The following CAST variants were observed in gnomAD, a reference collection of about 807,000 sequenced individuals.
The protein encoded by CAST is calpastatin, also known as MIR583 host.
In CAST, 76 loss-of-function variants were observed where a neutral mutation model predicts 119.6. That is an observed-to-expected ratio of 0.64 (90% CI 0.53 to 0.77). The LOEUF is 0.77. Among genes scored for constraint, CAST ranks in the 30% least tolerant of loss-of-function variants. The pLI, the probability that CAST is intolerant of heterozygous loss-of-function variation, is 0.00. For synonymous variants in CAST, 319 were observed against 331.6 expected, an observed-to-expected ratio of 0.96 and a Z score of 0.41; for missense variants, 953 against 946.5, an observed-to-expected ratio of 1.01 and a Z score of -0.09.
Position 96,754,168 on chromosome 5 carries a change from G to T in CAST, c.1626+7G>T. The T allele has an allele frequency of 6.6e-7, 1 of 1,509,776 alleles. No homozygotes were observed. The highest frequency in any genetic ancestry group is 9.2e-7 in the Non-Finnish European group (1 of 1,084,652). The allele number at this position is 1,509,776 out of a possible 1,614,324, so 93.5% of individuals were successfully genotyped here. ...TGTGATGGATAAAGTCAAGGTAATG[G>T]CAACTGAGATGCTTCTGGAAAATAA... On this transcript the variant is annotated splice_region_variant and intron_variant, in intron 21 of 31. Transcript: ENST00000675179.
chr5:96,086,555 G>A, the CAST span, among the ~76,000 whole-genome samples: 1 of 152,122 alleles, frequency 6.6e-6, no homozygotes, highest in African/African-American at 2.4e-5. Flanking sequence ...GGAAATGAAT[G>A]CATTTTTAAA....
chr5:96,755,368 A>G (rs1766068352), intron 22 of CAST, among the ~76,000 whole-genome samples: 1 of 152,132 alleles, frequency 6.6e-6, no homozygotes, highest in Non-Finnish European at 1.5e-5. Flanking sequence ...AAAAAAATAA[A>G]ATAAGGAACA....
upstream of CAST, among the ~76,000 whole-genome samples, chr5:96,658,740 C>A (rs1748199017): frequency 1.3e-5 from 2 of 152,134 alleles, no homozygotes; most frequent in African/African-American, 4.8e-5. Flanking sequence ...TCAGAATAAC[C>A]CTAGGATGTA....
At chr5:96,441,440 G>A in the CAST span, among the ~76,000 whole-genome samples, 1 of 151,950 alleles carries the variant, frequency 6.6e-6, no homozygotes, top group Non-Finnish European at 1.5e-5. Flanking sequence ...TAAAATGCAG[G>A]CAAGTGAAGT....
chr5:96,309,027 A>G, the CAST span: 2 of 152,302 alleles, frequency 1.3e-5, no homozygotes, highest in Non-Finnish European at 2.9e-5. Context: ...GTCAGGCAGG[A>G]ATATTTAAGT....
chr5:95,968,913 G>A, the CAST span, among the ~76,000 whole-genome samples: 1 of 152,264 alleles, frequency 6.6e-6, no homozygotes, highest in East Asian at 1.9e-4. Context: ...GACCTACTAG[G>A]TGAGAAGCAC....
At chr5:96,548,636 C>T (rs149571954) in intron 1 of CAST, among the ~76,000 whole-genome samples, 11 of 151,982 alleles carry the variant, frequency 7.2e-5, no homozygotes, top group Non-Finnish European at 1.5e-4. Context: ...AATCAAAACC[C>T]CCAATGACAA....
chr5:96,044,255 T>C, the CAST span, among the ~76,000 whole-genome samples: 2 of 152,286 alleles, frequency 1.3e-5, no homozygotes, highest in Admixed American at 6.5e-5. Context: ...CCCAAGGTGA[T>C]GGTATTAGAA....
chr5:96,726,901 G>A (rs371799380), intron 5 of CAST, 42 bp downstream of exon 5: 34 of 1,371,576 alleles, frequency 2.5e-5, no homozygotes, highest in Middle Eastern at 1.8e-4. Context: ...GTTTACTAAC[G>A]GTTACATCAC....
chr5:96,269,824 AAAG>A, the CAST span, among the ~76,000 whole-genome samples: 15 of 152,214 alleles, frequency 9.9e-5, no homozygotes, highest in Non-Finnish European at 1.6e-4. Flanking sequence ...CAAAACATTT[AAAG>A]AAGAACTAAT....
At chr5:96,624,770 A>T (rs1008215410) in intron 1 of CAST, among the ~76,000 whole-genome samples, 1 of 152,206 alleles carries the variant, frequency 6.6e-6, no homozygotes, top group Non-Finnish European at 1.5e-5. Flanking sequence ...TAAAGCCAAC[A>T]GGTTTCCCAT....
chr5:96,762,999 T>C, intron 25 of CAST: 1 of 637,132 alleles, frequency 1.6e-6, no homozygotes, highest in Non-Finnish European at 2.9e-6. Flanking sequence ...AATACCAAAT[T>C]ATACATTACC....
the CAST span, among the ~76,000 whole-genome samples, chr5:96,157,083 T>A: frequency 6.6e-6 from 1 of 152,358 alleles, no homozygotes; most frequent in East Asian, 1.9e-4. Flanking sequence ...ATTTACACTG[T>A]CTTAGGTTTA....
Position 96,741,349 on chromosome 5 carries a change from T to A in CAST, c.1002T>A (p.Thr334=), listed in dbSNP as rs1328559804. 2 of 1,606,552 alleles carry A rather than the reference T, an allele frequency of 1.2e-6. No individual in the cohort carries two copies. The highest frequency in any genetic ancestry group is 1.3e-5 in the African/African-American group (1 of 74,882). Residue 334 remains threonine (T), a synonymous_variant, in exon 14 of 32, where the codon ACT becomes ACA. Coordinates refer to ENST00000675179, the MANE Select transcript of CAST (RefSeq NM_001750.7). The part of the protein sequence containing the change: ...CGSPTAAGKK[T]EKEESTEVLK... ...CGCCTACAGCTGCTGGAAAGAAAAC[T>A]GAAAAAGAGGTATTGTTTTTAGTGT... is the stretch of plus-strand genomic sequence containing the variant.
intron 1 of CAST, among the ~76,000 whole-genome samples, chr5:96,538,424 C>A (rs934438860): frequency 6.6e-6 from 1 of 152,098 alleles, no homozygotes; most frequent in Admixed American, 6.5e-5. Context: ...GTTTGGAAAG[C>A]CTTTTGGAAA....
At chr5:96,293,530 C>T in the CAST span, among the ~76,000 whole-genome samples, 1 of 151,918 alleles carries the variant, frequency 6.6e-6, no homozygotes, top group Non-Finnish European at 1.5e-5. Context: ...CCTGCCTCAG[C>T]CTTCCAAAGT....
chr5:96,309,795 C>G, the CAST span, among the ~76,000 whole-genome samples: 1 of 152,262 alleles, frequency 6.6e-6, no homozygotes, highest in Admixed American at 6.5e-5. Context: ...ACTGTCCAAC[C>G]AGTCCCATTG....
At chr5:96,474,618 T>C in the CAST span, among the ~76,000 whole-genome samples, 1 of 152,172 alleles carries the variant, frequency 6.6e-6, no homozygotes, top group Admixed American at 6.5e-5. Context: ...AGGTTTATTC[T>C]GAGTGCAGTG....
chr5:96,744,405 G>A (rs571448529), intron 16 of CAST, among the ~76,000 whole-genome samples: 81 of 152,182 alleles, frequency 5.3e-4, no homozygotes, highest in African/African-American at 1.9e-3. Context: ...CATGTGCAGG[G>A]GAACTCCCCT....
Sources: allele counts gnomAD v4.1 joint callset (sites outside exome capture counted in the v4.1 genomes callset), GRCh38; gene constraint gnomAD v4.1.1; transcripts MANE v1.5; gene names NCBI Gene and HGNC (gene_info 2026-07-23, HGNC 2026-07-21).